Variants in PEAK1 observed in about 807,000 individuals in gnomAD.
PEAK1 encodes inactive tyrosine-protein kinase PEAK1.
PEAK1 carries 54 observed loss-of-function variants against 124.7 expected under a neutral mutation model. The ratio of observed to expected loss-of-function variants is 0.43; its 90% confidence interval spans 0.35 to 0.54. PEAK1 has a LOEUF of 0.54. Among genes scored for constraint, PEAK1 ranks in the 20% least tolerant of loss-of-function variants. PEAK1 has a pLI of 0.01. For missense variants in PEAK1, 2,046 were observed against 2,134.5 expected (o/e 0.96, Z 0.82); for synonymous variants, 719 against 760.0 (o/e 0.95, Z 0.89).
At chr15:77,368,637 CAAAG>C (rs1163640714) in intron 1 of PEAK1, among the ~76,000 whole-genome samples, 1 of 151,814 alleles carries the variant, frequency 6.6e-6, no homozygotes, top group Non-Finnish European at 1.5e-5. Flanking sequence ...ACAATGGAGA[CAAAG>C]CATTAAGCAA....
rs541504817 is a variant in PEAK1 at position 77,153,930 on chromosome 15, G to A, written c.3331+4573C>T. Among the ~76,000 whole-genome samples the A allele has an allele frequency of 1.6e-4, 24 of 152,324 alleles. No individual in the cohort carries two copies. The South Asian group carries it at 2.5e-3, about 16-fold the overall frequency. On this transcript the variant is annotated intron_variant, in intron 8 of 9. Transcript: ENST00000682557. The stretch of plus-strand genomic sequence containing the variant: ...CTATGTGGTCAGTTTTGGAATAGGT[G>A]TGGTGTGGTGCTGAAAAAAATGTAT...
At chr15:77,269,034 T>C (rs1431153099) in intron 5 of PEAK1, among the ~76,000 whole-genome samples, 1 of 148,776 alleles carries the variant, frequency 6.7e-6, no homozygotes, top group Non-Finnish European at 1.5e-5. Flanking sequence ...TTGAAACAAA[T>C]CCTCCAAATA....
At chr15:77,149,065 T>A (rs886846734) in intron 8 of PEAK1, among the ~76,000 whole-genome samples, 2 of 152,238 alleles carry the variant, frequency 1.3e-5, no homozygotes, top group African/African-American at 4.8e-5. Flanking sequence ...CAGATGTCAC[T>A]ATTCCTTCAT....
intron 6 of PEAK1, among the ~76,000 whole-genome samples, chr15:77,205,268 CTT>C (rs375154908): frequency 3.2e-5 from 4 of 126,470 alleles, no homozygotes; most frequent in Non-Finnish European, 5.3e-5. Context: ...GATCAAATGC[CTT>C]TTTTTAAAAA....
intron 5 of PEAK1, among the ~76,000 whole-genome samples, chr15:77,260,244 TG>T (rs1567179304): frequency 6.6e-6 from 1 of 152,170 alleles, no homozygotes. Context: ...AGCCTAGAAC[TG>T]AACAAACTAA....
chr15:77,215,364 T>C (rs2059102915), intron 6 of PEAK1, among the ~76,000 whole-genome samples: 1 of 152,196 alleles, frequency 6.6e-6, no homozygotes, highest in Non-Finnish European at 1.5e-5. Context: ...AAAAGCTAGT[T>C]CCCAATTCTG....
chr15:77,293,683 T>C (rs1424392736), intron 2 of PEAK1, among the ~76,000 whole-genome samples: 1 of 152,200 alleles, frequency 6.6e-6, no homozygotes, highest in African/African-American at 2.4e-5. Context: ...TGCAAGAATG[T>C]AAAAGGTTAA....
intron 6 of PEAK1, among the ~76,000 whole-genome samples, chr15:77,210,889 CA>C (rs2058873358): frequency 6.6e-6 from 1 of 151,852 alleles, no homozygotes; most frequent in African/African-American, 2.4e-5. Context: ...GTCTCTGTCT[CA>C]AAAAACAAAA....
At position 77,333,538 on chromosome 15, in the gene PEAK1, TAC is replaced by T. The variant is rs547382764; in HGVS notation, c.-603+31623_-603+31624del. 7.3e-5 allele frequency: 63 copies of T among 864,002 alleles called. No homozygotes were observed. The South Asian group carries it at 2.3e-3, about 32-fold the overall frequency. The allele number at this position is 864,002 out of a possible 1,614,324, so 53.5% of individuals were successfully genotyped here. ...TTTCTCCACTACTTGATTATATATTTACACACACACATTTCCTTATGTTTTTA... is the reference window on the plus strand; with the variant it reads ...TTTCTCCACTACTTGATTATATATTTACACACACATTTCCTTATGTTTTTA... On this transcript the variant is annotated intron_variant, in intron 2 of 9. Coordinates refer to ENST00000682557, the MANE Select transcript of PEAK1 (RefSeq NM_001385026.1).
chr15:77,300,356 A>G (rs1466060326), intron 2 of PEAK1, among the ~76,000 whole-genome samples: 10 of 152,356 alleles, frequency 6.6e-5, no homozygotes, highest in South Asian at 4.1e-4. Flanking sequence ...GGCTTCCTCC[A>G]ACAGATAATT....
chr15:77,377,869 T>A (rs1052250991), intron 1 of PEAK1, among the ~76,000 whole-genome samples: 2 of 152,152 alleles, frequency 1.3e-5, no homozygotes, highest in African/African-American at 4.8e-5. Flanking sequence ...CTGGAATAAC[T>A]TCCTGAATCT....
At chr15:77,187,211 C>T (rs936811223) in intron 6 of PEAK1, among the ~76,000 whole-genome samples, 1 of 152,178 alleles carries the variant, frequency 6.6e-6, no homozygotes, top group African/African-American at 2.4e-5. Context: ...AGCCAGGATT[C>T]CATGATCTAA....
chr15:77,325,673 T>G (rs1234014978), intron 2 of PEAK1, among the ~76,000 whole-genome samples: 1 of 152,054 alleles, frequency 6.6e-6, no homozygotes, highest in African/African-American at 2.4e-5. Context: ...AAAAAGATGT[T>G]TCTGAGGTCT....
intron 8 of PEAK1, among the ~76,000 whole-genome samples, chr15:77,148,617 A>G (rs2054342506): frequency 6.6e-6 from 1 of 152,164 alleles, no homozygotes; most frequent in African/African-American, 2.4e-5. Context: ...CATATCTAAC[A>G]TATTTAAAGG....
chr15:77,165,937 A>G (rs747454500), intron 7 of PEAK1, among the ~76,000 whole-genome samples: 2 of 152,182 alleles, frequency 1.3e-5, no homozygotes, highest in Non-Finnish European at 2.9e-5. Context: ...TGTTCCTTCC[A>G]CCACACTGTT....
chr15:77,365,998 A>C (rs2068210793), intron 1 of PEAK1, among the ~76,000 whole-genome samples: 1 of 152,218 alleles, frequency 6.6e-6, no homozygotes. Context: ...TAAGTATGAA[A>C]AATGGAAAAA....
At chr15:77,171,585 A>G (rs1271902059) in intron 7 of PEAK1, among the ~76,000 whole-genome samples, 4 of 152,188 alleles carry the variant, frequency 2.6e-5, no homozygotes, top group Non-Finnish European at 5.9e-5. Flanking sequence ...TTACAACTAG[A>G]TGGGAGAAAT....
chr15:77,142,352 T>A (rs1403403522), intron 8 of PEAK1, among the ~76,000 whole-genome samples: 1 of 152,214 alleles, frequency 6.6e-6, no homozygotes, highest in African/African-American at 2.4e-5. Flanking sequence ...TGCTTATACA[T>A]TGCTAGTAGG....
chr15:77,373,883 T>C (rs2068818355), intron 1 of PEAK1, among the ~76,000 whole-genome samples: 1 of 152,274 alleles, frequency 6.6e-6, no homozygotes, highest in South Asian at 2.1e-4. Flanking sequence ...ATGCAGACAA[T>C]GATCAGTGAT....
Sources: allele counts gnomAD v4.1 joint callset (sites outside exome capture counted in the v4.1 genomes callset), GRCh38; gene constraint gnomAD v4.1.1; transcripts MANE v1.5; gene names NCBI Gene and HGNC (gene_info 2026-07-23, HGNC 2026-07-21).